The following SRD5A2 variants were observed in gnomAD, a reference collection of about 807,000 sequenced individuals.
SRD5A2 encodes the protein steroid 5 alpha-reductase 2.
SRD5A2 carries 30 observed loss-of-function variants against 27.4 expected under a neutral mutation model. The ratio of observed to expected loss-of-function variants is 1.10; its 90% confidence interval spans 0.82 to 1.49. SRD5A2 has a LOEUF of 1.49. SRD5A2 is among the 40% of genes most tolerant of loss of function. The pLI is 0.00. For missense variants in SRD5A2, 348 were observed against 323.4 expected (o/e 1.08, Z -0.58); for synonymous variants, 141 against 133.6 (o/e 1.06, Z -0.38).
rs527302248 is a variant in SRD5A2, at chr2:31,569,053, G to C, written c.281+11567C>G. Among the ~76,000 whole-genome samples, 3 of 152,322 alleles carry C rather than the reference G, an allele frequency of 2.0e-5. No homozygotes were observed. The East Asian group carries it at 5.8e-4, about 29-fold the overall frequency. Reference sequence around the variant, plus strand: ...GAGAGCACAGGGAAGCCCGGGTCCAGAGCCATGGCTGGGTGGCTGCAGCTG... The same window carrying C: ...GAGAGCACAGGGAAGCCCGGGTCCACAGCCATGGCTGGGTGGCTGCAGCTG... On this transcript the variant is annotated intron_variant, in intron 1 of 4. Coordinates refer to ENST00000622030, the MANE Select transcript of SRD5A2 (RefSeq NM_000348.4).
At chr2:31,606,355 T>G in the SRD5A2 span, among the ~76,000 whole-genome samples, 1 of 152,034 alleles carries the variant, frequency 6.6e-6, no homozygotes, top group Non-Finnish European at 1.5e-5. Context: ...CCATTTGCCA[T>G]GATATGATTA....
intron 1 of SRD5A2, among the ~76,000 whole-genome samples, chr2:31,577,820 T>C (rs1368087138): frequency 6.6e-6 from 1 of 152,172 alleles, no homozygotes; most frequent in Non-Finnish European, 1.5e-5. Flanking sequence ...CCCTAAAGAA[T>C]GTTCATAACC....
the SRD5A2 span, among the ~76,000 whole-genome samples, chr2:31,596,621 C>T: frequency 6.6e-6 from 1 of 152,058 alleles, no homozygotes; most frequent in South Asian, 2.1e-4. Context: ...GCTCCTAGAA[C>T]TGGTAAATGA....
the SRD5A2 span, among the ~76,000 whole-genome samples, chr2:31,586,987 A>G: frequency 1.6e-3 from 242 of 152,340 alleles, 1 homozygote; most frequent in Non-Finnish European, 2.5e-3. Context: ...AAGATAACAC[A>G]TAGGAGAAAT....
At chr2:31,573,315 C>A (rs1273911851) in intron 1 of SRD5A2, among the ~76,000 whole-genome samples, 2 of 152,232 alleles carry the variant, frequency 1.3e-5, no homozygotes, top group Non-Finnish European at 2.9e-5. Context: ...CCTTCTATAA[C>A]CAAATGGAAG....
At chr2:31,610,107 T>A in the SRD5A2 span, among the ~76,000 whole-genome samples, 3 of 152,132 alleles carry the variant, frequency 2.0e-5, no homozygotes, top group Admixed American at 1.3e-4. Context: ...GAAGAACTAA[T>A]ACCAATGTTT....
the SRD5A2 span, among the ~76,000 whole-genome samples, chr2:31,612,376 T>A: frequency 6.6e-6 from 1 of 151,760 alleles, no homozygotes; most frequent in Non-Finnish European, 1.5e-5. Context: ...TTCTATACAC[T>A]AACAGTGAAC....
chr2:31,638,996 C>G, the SRD5A2 span, among the ~76,000 whole-genome samples: 1 of 151,964 alleles, frequency 6.6e-6, no homozygotes, highest in African/African-American at 2.4e-5. Context: ...CTCTTCCCCC[C>G]TTCTTTTCCT....
chr2:31,545,813 C>G (rs1404392279), intron 1 of SRD5A2, among the ~76,000 whole-genome samples: 1 of 151,668 alleles, frequency 6.6e-6, no homozygotes. Context: ...CTAGAACACT[C>G]TAACGATTCC....
At chr2:31,538,724 C>T (rs1221624252) in intron 1 of SRD5A2, among the ~76,000 whole-genome samples, 1 of 152,176 alleles carries the variant, frequency 6.6e-6, no homozygotes, top group East Asian at 1.9e-4. Context: ...TCCCTGACCA[C>T]CTTATGTAAA....
the SRD5A2 span, among the ~76,000 whole-genome samples, chr2:31,596,804 T>C: frequency 6.6e-6 from 1 of 152,070 alleles, no homozygotes; most frequent in Non-Finnish European, 1.5e-5. Context: ...GAAAGACCTC[T>C]ACAAGGAAAG....
chr2:31,557,454 A>C (rs930093212), intron 1 of SRD5A2, among the ~76,000 whole-genome samples: 18 of 152,244 alleles, frequency 1.2e-4, no homozygotes, highest in African/African-American at 4.1e-4. Flanking sequence ...TAAAAGGCTT[A>C]ACTCAGTAAA....
chr2:31,580,857 G>A lies in SRD5A2; in HGVS notation c.44C>T (p.Ala15Val). 1 of 1,611,270 alleles carries A rather than the reference G, an allele frequency of 6.2e-7. No individual in the cohort carries two copies. The highest frequency in any genetic ancestry group is 8.5e-7 in the Non-Finnish European group (1 of 1,179,226). The change falls in exon 1 of 5, where the codon GCC (alanine) becomes GTC (valine). Residue 15 changes from alanine (A) to valine (V), a missense_variant. By Grantham distance (64) the Ala-to-Val change is moderately conservative. Transcript: ENST00000622030. ...CQQSPVLAGSATLVALGALAL... is the reference protein window; with the variant it reads ...CQQSPVLAGSVTLVALGALAL... ...CAGTGCCCCAAGGGCGACCAAAGTG[G>A]CGCTGCCTGCCAGCACTGGGCTCTG...
the SRD5A2 span, among the ~76,000 whole-genome samples, chr2:31,633,763 C>T: frequency 6.6e-6 from 1 of 152,090 alleles, no homozygotes; most frequent in African/African-American, 2.4e-5. Flanking sequence ...ACAGGATTAG[C>T]TGGATTTCCT....
the SRD5A2 span, among the ~76,000 whole-genome samples, chr2:31,638,418 A>G: frequency 6.6e-6 from 1 of 152,136 alleles, no homozygotes; most frequent in African/African-American, 2.4e-5. Context: ...GTTGGATGAA[A>G]TGTTCTGTAA....
At chr2:31,615,522 G>T in the SRD5A2 span, among the ~76,000 whole-genome samples, 1 of 152,146 alleles carries the variant, frequency 6.6e-6, no homozygotes. Context: ...ATTATTTAGG[G>T]TATCTGGCAG....
At chr2:31,646,330 C>T in the SRD5A2 span, among the ~76,000 whole-genome samples, 3 of 152,120 alleles carry the variant, frequency 2.0e-5, no homozygotes, top group Non-Finnish European at 4.4e-5. Flanking sequence ...GTATGTCAGG[C>T]TCCAGGATCT....
At chr2:31,585,588 C>G (rs537107904), upstream of SRD5A2, among the ~76,000 whole-genome samples, 1 of 152,294 alleles carries the variant, frequency 6.6e-6, no homozygotes, top group African/African-American at 2.4e-5. Context: ...GGGAAAGACC[C>G]AGTCATGGCA....
chr2:31,586,124 C>T, the SRD5A2 span, among the ~76,000 whole-genome samples: 10 of 152,082 alleles, frequency 6.6e-5, no homozygotes, highest in African/African-American at 1.4e-4. Context: ...GTGGTGATTT[C>T]TGAGATTTTG....
Sources: gnomAD v4.1 joint callset for allele counts (sites outside exome capture counted in the v4.1 genomes callset) on GRCh38, gnomAD v4.1.1 for gene constraint, MANE v1.5 for transcripts, NCBI Gene and HGNC (gene_info 2026-07-23, HGNC 2026-07-21) for gene names.